The following ADGRE1 variants were observed in gnomAD, a reference collection of about 807,000 sequenced individuals.
ADGRE1 encodes EGF-like module receptor 1.
A neutral mutation model predicts 102.7 loss-of-function variants in ADGRE1; 82 were observed. That is an observed-to-expected ratio of 0.80 (90% CI 0.67 to 0.96). ADGRE1 has a LOEUF of 0.96. Ranked by LOEUF, ADGRE1 falls within the 40% of genes least tolerant of loss-of-function variation. ADGRE1 has a pLI of 0.00. For missense variants in ADGRE1, 1,032 were observed against 1,085.3 expected, an observed-to-expected ratio of 0.95 and a Z score of 0.69; for synonymous variants, 398 against 399.6, an observed-to-expected ratio of 1.00 and a Z score of 0.05.
At chr19:6,924,597 A>G (rs1017651495) in intron 14 of ADGRE1, 81 bp from the exon 15 acceptor site, 2 of 1,347,550 alleles carry the variant, frequency 1.5e-6, no homozygotes, top group Non-Finnish European at 1.0e-6. Flanking sequence ...TGCCCGAGCC[A>G]GGGTTTTAGA....
At chr19:6,927,511 C>T (rs915554333) in intron 16 of ADGRE1, among the ~76,000 whole-genome samples, 9 of 152,028 alleles carry the variant, frequency 5.9e-5, no homozygotes, top group East Asian at 1.9e-4. Flanking sequence ...AGGTAACTTA[C>T]GATAGTGATA....
chr19:6,913,107 A>C (rs1332696788), intron 10 of ADGRE1, among the ~76,000 whole-genome samples: 1 of 151,700 alleles, frequency 6.6e-6, no homozygotes, highest in African/African-American at 2.4e-5. Flanking sequence ...CTCTTTTTTA[A>C]TTTGTTTGTA....
At chr19:6,926,159 T>C (rs1456593038) in intron 15 of ADGRE1, among the ~76,000 whole-genome samples, 2 of 152,138 alleles carry the variant, frequency 1.3e-5, no homozygotes, top group African/African-American at 4.8e-5. Flanking sequence ...AAATCTTAGG[T>C]CCAGACAAAC....
chr19:6,932,551 C>T (rs8104748), intron 17 of ADGRE1, among the ~76,000 whole-genome samples: 80,441 of 152,042 alleles, frequency 0.53, 23,164 homozygotes, highest in African/African-American at 0.76. Flanking sequence ...TGTTTTGTAG[C>T]GAGAGGGATT....
intron 1 of ADGRE1, 59 bp from the exon 2 acceptor site, chr19:6,890,422 T>G (rs541614170): frequency 1.9e-3 from 339 of 182,996 alleles, no homozygotes; most frequent in Non-Finnish European, 2.0e-3. Flanking sequence ...GCCCAAAAGG[T>G]TTTTTTTTTT....
Position 6,903,801 on chromosome 19 carries a change from A to T in ADGRE1, c.662-9A>T, listed in dbSNP as rs949760929. 2 of 1,613,780 alleles carry T rather than the reference A, an allele frequency of 1.2e-6. No homozygotes were observed. The highest frequency in any genetic ancestry group is 2.7e-5 in the African/African-American group (2 of 74,890). ...CAACTTGGCTCCACACCCATTCTGT[A>T]CCCCACAGATATTGATGAATGCACT... On this transcript the variant is annotated splice_polypyrimidine_tract_variant and intron_variant, in intron 6 of 20. Transcript: ENST00000312053.
intron 11 of ADGRE1, among the ~76,000 whole-genome samples, chr19:6,914,955 G>C (rs384239): frequency 0.19 from 28,907 of 151,954 alleles, 2,982 homozygotes; most frequent in Non-Finnish European, 0.22. Context: ...AAGATGGTGA[G>C]AGCAGTAGGA....
At chr19:6,905,787 G>T (rs765706057) in intron 8 of ADGRE1, among the ~76,000 whole-genome samples, 11 of 152,118 alleles carry the variant, frequency 7.2e-5, no homozygotes, top group South Asian at 2.1e-4. Context: ...TGGAGGCAAT[G>T]AAGTATAACA....
At chr19:6,923,048 G>A (rs1974736548) in intron 14 of ADGRE1, among the ~76,000 whole-genome samples, 1 of 152,058 alleles carries the variant, frequency 6.6e-6, no homozygotes, top group Non-Finnish European at 1.5e-5. Context: ...CTGTACTCCA[G>A]CCTGGGTGAC....
chr19:6,892,604 C>T (rs950360681), intron 2 of ADGRE1, among the ~76,000 whole-genome samples: 2 of 152,094 alleles, frequency 1.3e-5, no homozygotes, highest in Non-Finnish European at 2.9e-5. Flanking sequence ...ATGTTAAAAC[C>T]TTATGTTGTG....
rs1973329616 is a variant in ADGRE1 at position 6,890,538 on chromosome 19, C to CAAAG, written c.90_93dup (p.Gly32LysfsTer3). The CAAAG allele has an allele frequency of 6.9e-6, 11 of 1,599,284 alleles. 3 individuals carry two copies. The highest frequency in any genetic ancestry group is 8.5e-7 in the Non-Finnish European group (1 of 1,172,502). ...ATAAGACCCACACGGAAACCAAACA[C>CAAAG]AAAGGGTAAGTTGGCCAGAGAGAAT... On this transcript the variant is annotated frameshift_variant, in exon 2 of 21. Transcript: ENST00000312053. LOFTEE classifies it high-confidence loss of function.
At chr19:6,933,631 C>T (rs1206008722) in intron 17 of ADGRE1, among the ~76,000 whole-genome samples, 1 of 152,144 alleles carries the variant, frequency 6.6e-6, no homozygotes, top group Non-Finnish European at 1.5e-5. Flanking sequence ...AGGTGATCCA[C>T]CCACCTTGGC....
At chr19:6,933,193 C>T (rs1250958650) in intron 17 of ADGRE1, among the ~76,000 whole-genome samples, 1 of 152,148 alleles carries the variant, frequency 6.6e-6, no homozygotes, top group Non-Finnish European at 1.5e-5. Flanking sequence ...TGCACTCCAG[C>T]CTGGGAGACA....
At position 6,938,105 on chromosome 19, in the gene ADGRE1, G is replaced by A. The variant is rs373045010; in HGVS notation, c.2655+457G>A. Among the ~76,000 whole-genome samples the A allele has an allele frequency of 7.2e-5, 11 of 152,132 alleles. 1 individual carries two copies. The South Asian group carries it at 2.3e-3, about 32-fold the overall frequency. On this transcript the variant is annotated intron_variant, in intron 20 of 20. Transcript: ENST00000312053. ...TAATCCCAACACTTTGGGAGGCTAA[G>A]GTGGGCAGATTACCTGAGGCCAGGA... is the stretch of plus-strand genomic sequence containing the variant.
At position 6,936,273 on chromosome 19, in the gene ADGRE1, A is replaced by G. The variant is rs186606676; in HGVS notation, c.2382-970A>G. 4.8e-3 allele frequency among the ~76,000 whole-genome samples: 727 copies of G among 151,920 alleles called. 8 individuals are homozygous for G. Among genetic ancestry groups the G allele is most frequent in the African/African-American group, 0.015 (637 of 41,446 alleles). ...AACATGGTGAAACCCTGTCTTTACT[A>G]AAAATACAAAAAATTAGCCGGGCAT... On this transcript the variant is annotated intron_variant, in intron 18 of 20. Coordinates refer to ENST00000312053, the MANE Select transcript of ADGRE1 (RefSeq NM_001974.5).
At chr19:6,932,709 C>T (rs1975214519) in intron 17 of ADGRE1, among the ~76,000 whole-genome samples, 1 of 152,062 alleles carries the variant, frequency 6.6e-6, no homozygotes, top group Non-Finnish European at 1.5e-5. Context: ...ACCCAACTTC[C>T]CTAGGGTCCC....
In ADGRE1 at chr19:6,904,089, A is replaced by T. The variant is rs1973865171; in HGVS notation, c.856A>T (p.Thr286Ser). The T allele has an allele frequency of 6.2e-7, 1 of 1,614,214 alleles. No individual in the cohort carries two copies. Among genetic ancestry groups the T allele is most frequent in the Non-Finnish European group, 8.5e-7 (1 of 1,180,032 alleles). Residue 286 changes from threonine to serine, a missense_variant, in exon 8 of 21, where the codon ACC (threonine) becomes TCC (serine). By Grantham distance (58) the Thr-to-Ser change is moderately conservative. Transcript: ENST00000312053. ...AACCTGTGGTCCTAATTCTATCTGC[A>T]CCAATGCCCTGGGCTCCTACAGCTG... is the stretch of plus-strand genomic sequence containing the variant. The part of the protein sequence containing the change: ...PSTCGPNSIC[T>S]NALGSYSCGC...
chr19:6,899,209 T>G (rs937339693), intron 5 of ADGRE1, among the ~76,000 whole-genome samples: 6 of 152,164 alleles, frequency 3.9e-5, no homozygotes, highest in Non-Finnish European at 7.3e-5. Flanking sequence ...CAGGGGACAT[T>G]GGCAACATCT....
At chr19:6,894,656 C>G (rs1167432723) in intron 2 of ADGRE1, among the ~76,000 whole-genome samples, 1 of 152,066 alleles carries the variant, frequency 6.6e-6, no homozygotes, top group Non-Finnish European at 1.5e-5. Flanking sequence ...AGTTTTATTT[C>G]TAAGGAGAAC....
Sources: allele counts gnomAD v4.1 joint callset (sites outside exome capture counted in the v4.1 genomes callset), GRCh38; gene constraint gnomAD v4.1.1; transcripts MANE v1.5; gene names NCBI Gene and HGNC (gene_info 2026-07-23, HGNC 2026-07-21).